Variants in PAMR1 observed in about 807,000 individuals in gnomAD.
PAMR1 encodes peptidase domain containing associated with muscle regeneration 1.
PAMR1 carries 88 observed loss-of-function variants against 81.8 expected under a neutral mutation model. The ratio of observed to expected loss-of-function variants is 1.08; its 90% CI spans 0.91 to 1.28. The LOEUF is 1.28. Among genes scored for constraint, PAMR1 ranks in the 50% most tolerant of loss-of-function variants. The pLI is 0.00. For missense variants in PAMR1, 935 were observed against 919.7 expected, an observed-to-expected ratio of 1.02 and a Z score of -0.21; for synonymous variants, 336 against 345.3, an observed-to-expected ratio of 0.97 and a Z score of 0.30.
At chr11:35,473,544 T>G (rs1302324393) in intron 4 of PAMR1, among the ~76,000 whole-genome samples, 32 of 152,154 alleles carry the variant, frequency 2.1e-4, no homozygotes, top group Non-Finnish European at 4.6e-4. Flanking sequence ...TGAGCCAGGC[T>G]TCCTCTAGGA....
chr11:35,476,544 ACCTC>A (rs1041522835), intron 3 of PAMR1, among the ~76,000 whole-genome samples: 32 of 151,700 alleles, frequency 2.1e-4, no homozygotes, highest in Non-Finnish European at 5.9e-5. Context: ...GATCCCTGAG[ACCTC>A]CCCAGCCACA....
rs561424715 is a variant in PAMR1 at position 35,467,376 on chromosome 11, C to T, written c.820+625G>A. ...ACTCTCTGTCCTCCTTTGCTCTCCC[C>T]CAAATTCTTGTCCTTATGCACATCA... is the stretch of plus-strand genomic sequence containing the variant. On this transcript the variant is annotated intron_variant, in intron 6 of 10. Coordinates refer to ENST00000619888, the MANE Select transcript of PAMR1 (RefSeq NM_001001991.3). Among the ~76,000 whole-genome samples, 4 of 152,302 alleles carry T rather than the reference C, an allele frequency of 2.6e-5. No individual in the cohort carries two copies. In the East Asian group the frequency reaches 7.7e-4, roughly 29 times the overall value.
rs753052168 is a variant in PAMR1 at position 35,454,176 on chromosome 11, GCACC to G, written c.821-12487_821-12484del. Among the ~76,000 whole-genome samples, 73 of 152,270 alleles carry G rather than the reference GCACC, an allele frequency of 4.8e-4. No homozygotes were observed. The Middle Eastern group carries it at 0.01, about 21-fold the overall frequency. The stretch of plus-strand genomic sequence containing the variant: ...TCCCAGATTCTTTTGCCAGCTCAAG[GCACC>G]CATTCCTCAACTTCTACATGAGTGC... On this transcript the variant is annotated intron_variant, in intron 6 of 10. Coordinates refer to ENST00000619888, the MANE Select transcript of PAMR1 (RefSeq NM_001001991.3).
intron 6 of PAMR1, among the ~76,000 whole-genome samples, chr11:35,466,380 C>T (rs1856756641): frequency 6.6e-6 from 1 of 152,142 alleles, no homozygotes; most frequent in African/African-American, 2.4e-5. Context: ...ATGGCACACA[C>T]AGGGACCCAC....
chr11:35,525,594 C>T lies in PAMR1; in HGVS notation c.-9G>A, dbSNP rs762059574. On this transcript the variant is annotated 5_prime_UTR_variant, in exon 1 of 11. Coordinates refer to ENST00000619888, the MANE Select transcript of PAMR1 (RefSeq NM_001001991.3). ...CAGCAACCCAGCTCCATCCTTGCCG[C>T]GGCTGGTGCCCGAGCGTCTACTGGG... 3 of 1,613,296 alleles carry T rather than the reference C, an allele frequency of 1.9e-6. No homozygotes were observed. The South Asian group carries it at 3.3e-5, about 18-fold the overall frequency.
intron 1 of PAMR1, among the ~76,000 whole-genome samples, chr11:35,498,845 T>C (rs746955556): frequency 3.3e-5 from 5 of 152,192 alleles, no homozygotes; most frequent in Non-Finnish European, 7.3e-5. Flanking sequence ...CTCCCTGGCC[T>C]TCCCCTCCAA....
intron 1 of PAMR1, among the ~76,000 whole-genome samples, chr11:35,503,921 G>C (rs955998665): frequency 2.0e-5 from 3 of 152,054 alleles, no homozygotes; most frequent in Non-Finnish European, 4.4e-5. Context: ...AATAAAAGTG[G>C]TGAAAGTGGG....
chr11:35,494,670 G>A (rs910131374), intron 1 of PAMR1, among the ~76,000 whole-genome samples: 1 of 152,186 alleles, frequency 6.6e-6, no homozygotes, highest in Non-Finnish European at 1.5e-5. Flanking sequence ...CTACTGCTAA[G>A]AGGCAACCTT....
chr11:35,498,860 C>T (rs1302524367), intron 1 of PAMR1, among the ~76,000 whole-genome samples: 1 of 152,198 alleles, frequency 6.6e-6, no homozygotes, highest in Non-Finnish European at 1.5e-5. Flanking sequence ...CTCCAAAATG[C>T]ACACCCCTTC....
At chr11:35,463,780 G>GC (rs1441296670) in intron 6 of PAMR1, among the ~76,000 whole-genome samples, 1 of 152,188 alleles carries the variant, frequency 6.6e-6, no homozygotes, top group Non-Finnish European at 1.5e-5. Context: ...TGGGGTAGCA[G>GC]CCCTTGAAGA....
chr11:35,435,786 A>G (rs1856027035), intron 9 of PAMR1, 117 bp downstream of exon 9: 1 of 719,812 alleles, frequency 1.4e-6, no homozygotes. Flanking sequence ...AATTTCAGAT[A>G]TCACCAAACT....
chr11:35,523,088 T>A (rs1288311583), intron 1 of PAMR1, among the ~76,000 whole-genome samples: 1 of 152,216 alleles, frequency 6.6e-6, no homozygotes, highest in African/African-American at 2.4e-5. Flanking sequence ...ACCCTCTTCA[T>A]GATCCCCGCA....
chr11:35,476,697 C>T (rs114520545), intron 3 of PAMR1, among the ~76,000 whole-genome samples: 3,360 of 152,242 alleles, frequency 0.022, 58 homozygotes, highest in East Asian at 0.087. Flanking sequence ...GCATCCAAAG[C>T]CACCTTTTAA....
chr11:35,481,983 G>T (rs1168258495), intron 3 of PAMR1, among the ~76,000 whole-genome samples: 6 of 152,098 alleles, frequency 3.9e-5, no homozygotes, highest in Admixed American at 3.9e-4. Context: ...AATTCTGTAG[G>T]TTGCTTATTT....
In PAMR1 at chr11:35,436,404, C is replaced by T. The variant is rs141347820; in HGVS notation, c.1101-269G>A. Among the ~76,000 whole-genome samples the T allele has an allele frequency of 8.1e-4, 124 of 152,160 alleles. 2 individuals carry two copies. Among genetic ancestry groups the T allele is most frequent in the Non-Finnish European group, 1.3e-3 (85 of 67,998 alleles). On this transcript the variant is annotated intron_variant, in intron 8 of 10. Coordinates refer to ENST00000619888, the MANE Select transcript of PAMR1 (RefSeq NM_001001991.3). ...GGTTCAAGCAATTCTTGTGCCTCAG[C>T]CTCCTGAATAGCTGGGATTACAGAC...
intron 3 of PAMR1, among the ~76,000 whole-genome samples, chr11:35,483,286 CT>C (rs1165415697): frequency 6.6e-6 from 1 of 151,940 alleles, no homozygotes; most frequent in Non-Finnish European, 1.5e-5. Context: ...GCTTCCTGCA[CT>C]CCTGTGACTA....
At chr11:35,474,521 A>C in intron 4 of PAMR1, 109 bp downstream of exon 4, 1 of 614,306 alleles carries the variant, frequency 1.6e-6, no homozygotes, top group Non-Finnish European at 2.8e-6. Flanking sequence ...GTAAAGAGAA[A>C]GGCTCCAATA....
In PAMR1 at chr11:35,477,107, G is replaced by A. The variant is rs369816784; in HGVS notation, c.380-2363C>T. On this transcript the variant is annotated intron_variant, in intron 3 of 10. Coordinates refer to ENST00000619888, the MANE Select transcript of PAMR1 (RefSeq NM_001001991.3). ...CTTCCTTGCTATCCAGCTAAAACAG[G>A]CCCTCCCAATTCTATGGTCAATATT... Among the ~76,000 whole-genome samples the A allele has an allele frequency of 2.1e-4, 32 of 152,110 alleles. No homozygotes were observed. The South Asian group carries it at 4.4e-3, about 21-fold the overall frequency.
intron 3 of PAMR1, among the ~76,000 whole-genome samples, chr11:35,490,959 A>G (rs956706544): frequency 6.6e-6 from 1 of 152,194 alleles, no homozygotes; most frequent in Non-Finnish European, 1.5e-5. Flanking sequence ...CTCATTATGC[A>G]ATGCAGTCTC....
Sources: gnomAD v4.1 joint callset for allele counts (sites outside exome capture counted in the v4.1 genomes callset) on GRCh38, gnomAD v4.1.1 for gene constraint, MANE v1.5 for transcripts, NCBI Gene and HGNC (gene_info 2026-07-23, HGNC 2026-07-21) for gene names.